The following PCA3 variants were observed in gnomAD, a reference collection of about 807,000 sequenced individuals.
PCA3 encodes Differential Display code 3.
At chr9:76,787,080 T>C (rs1005594983) in intron 2 of PCA3, 1 of 152,234 alleles carries the variant, frequency 6.6e-6, no homozygotes, top group African/African-American at 2.4e-5. Context: ...CATTTGAGAA[T>C]TCCAATTAGG....
At chr9:76,767,256 G>T (rs1026970617) in intron 2 of PCA3, among the ~76,000 whole-genome samples, 1 of 151,930 alleles carries the variant, frequency 6.6e-6, no homozygotes, top group Non-Finnish European at 1.5e-5. Context: ...GTTCAAGACC[G>T]GCCTGACCAA....
chr9:76,770,466 T>C (rs996032381), intron 2 of PCA3, among the ~76,000 whole-genome samples: 3 of 152,166 alleles, frequency 2.0e-5, no homozygotes, highest in African/African-American at 7.2e-5. Context: ...AATATATGAT[T>C]CAAAAATTGA....
At chr9:76,782,931 T>C (rs1160282133) in intron 2 of PCA3, 1 of 152,228 alleles carries the variant, frequency 6.6e-6, no homozygotes, top group Non-Finnish European at 1.5e-5. Context: ...TCTGCAAATG[T>C]CCTGGGTCTT....
chr9:76,780,568 G>A (rs2054272645), intron 2 of PCA3, among the ~76,000 whole-genome samples: 1 of 152,106 alleles, frequency 6.6e-6, no homozygotes, highest in Non-Finnish European at 1.5e-5. Context: ...GCGGGTGCCT[G>A]TAGTCCCAGC....
At position 76,783,129 on chromosome 9, in the gene PCA3, G is replaced by A. The variant is rs114409241; in HGVS notation, n.853-25454G>A. Among the ~76,000 whole-genome samples the A allele has an allele frequency of 5.0e-3, 761 of 152,096 alleles. 4 individuals carry two copies. The highest frequency in any genetic ancestry group is 0.017 in the African/African-American group (723 of 41,498). ...ATTAACATCAGTTGTATCTGACTAT[G>A]CCTTTTTTTGTTTGTTTGTTTTTTG... On this transcript the variant is annotated intron_variant and non_coding_transcript_variant, in intron 2 of 5. Coordinates refer to ENST00000644657, the Ensembl canonical transcript of PCA3.
At chr9:76,779,246 TG>T (rs1430033010) in intron 2 of PCA3, among the ~76,000 whole-genome samples, 5 of 151,250 alleles carry the variant, frequency 3.3e-5, no homozygotes, top group African/African-American at 4.9e-5. Flanking sequence ...TTTTTTTTTT[TG>T]GAAGTATCTG....
At chr9:76,774,441 A>G (rs1175548067) in intron 2 of PCA3, among the ~76,000 whole-genome samples, 1 of 132,446 alleles carries the variant, frequency 7.6e-6, no homozygotes, top group Admixed American at 7.8e-5. Context: ...CCTGGCCTCC[A>G]GTTCAACCCT....
chr9:76,781,267 C>T (rs894389327), intron 2 of PCA3, among the ~76,000 whole-genome samples: 3 of 152,126 alleles, frequency 2.0e-5, no homozygotes, highest in Non-Finnish European at 4.4e-5. Context: ...TTCCCTTGAA[C>T]TTAAAATAAA....
At chr9:76,768,611 GTGTGTGTGTGTGTA>G (rs1341923940) in intron 2 of PCA3, among the ~76,000 whole-genome samples, 4 of 150,478 alleles carry the variant, frequency 2.7e-5, no homozygotes, top group Admixed American at 6.6e-5. Flanking sequence ...GTGTGTGTGT[GTGTGTGTGTGTGTA>G]TATCCCTGCT....
At chr9:76,773,288 A>C (rs1589140987) in intron 2 of PCA3, among the ~76,000 whole-genome samples, 1 of 152,214 alleles carries the variant, frequency 6.6e-6, no homozygotes, top group East Asian at 1.9e-4. Context: ...TCATTGAAGA[A>C]ATAGAAATTT....
rs28688470 is a variant in PCA3 at position 76,776,893 on chromosome 9, T to C, written n.853-31690T>C. Reference sequence around the variant, plus strand: ...GTTTCTTTCTCATTACCAAAACACATACACACACACACACACACACACACA... The same window carrying C: ...GTTTCTTTCTCATTACCAAAACACACACACACACACACACACACACACACA... On this transcript the variant is annotated intron_variant and non_coding_transcript_variant, in intron 2 of 5. Coordinates refer to ENST00000644657, the Ensembl canonical transcript of PCA3. 6.8e-3 allele frequency among the ~76,000 whole-genome samples: 783 copies of C among 115,594 alleles called. 13 individuals carry two copies. The highest frequency in any genetic ancestry group is 0.018 in the African/African-American group (519 of 28,722). The allele number at this position is 115,594 out of a possible 152,430, so 75.8% of individuals were successfully genotyped here.
intron 2 of PCA3, among the ~76,000 whole-genome samples, chr9:76,767,541 C>T (rs1036588791): frequency 6.6e-6 from 1 of 152,138 alleles, no homozygotes; most frequent in Non-Finnish European, 1.5e-5. Context: ...TTGATCACCT[C>T]TTTAAAAAGA....
intron 2 of PCA3, among the ~76,000 whole-genome samples, chr9:76,764,800 T>C (rs964187925): frequency 3.4e-4 from 51 of 152,182 alleles, no homozygotes; most frequent in Non-Finnish European, 6.9e-4. Context: ...ACAAGCTATT[T>C]GCTTGGCTTC....
At chr9:76,768,596 T>G (rs1325742567) in intron 2 of PCA3, among the ~76,000 whole-genome samples, 1 of 144,234 alleles carries the variant, frequency 6.9e-6, no homozygotes, top group African/African-American at 2.7e-5. Context: ...TGTGTGTGTG[T>G]GTGTGTGTGT....
At chr9:76,787,389 G>C (rs887082119) in intron 2 of PCA3, 2 of 151,772 alleles carry the variant, frequency 1.3e-5, no homozygotes, top group African/African-American at 4.8e-5. Flanking sequence ...AGTGATTCGG[G>C]GGGTGGGAGA....
intron 2 of PCA3, among the ~76,000 whole-genome samples, chr9:76,768,103 C>T (rs557629638): frequency 1.3e-5 from 2 of 152,320 alleles, no homozygotes; most frequent in South Asian, 4.1e-4. Flanking sequence ...CCCAGCACGG[C>T]TGCCTGGTGA....
chr9:76,773,301 G>A (rs2053315344), intron 2 of PCA3, among the ~76,000 whole-genome samples: 1 of 152,104 alleles, frequency 6.6e-6, no homozygotes, highest in African/African-American at 2.4e-5. Context: ...AGAAATTTCT[G>A]TAAACCCTGG....
At chr9:76,781,959 A>T (rs1425751733) in intron 2 of PCA3, among the ~76,000 whole-genome samples, 1 of 152,122 alleles carries the variant, frequency 6.6e-6, no homozygotes, top group Non-Finnish European at 1.5e-5. Flanking sequence ...TCACGCCTGT[A>T]ATCCCAGCAC....
chr9:76,781,924 G>A (rs1011634541), intron 2 of PCA3, among the ~76,000 whole-genome samples: 5 of 152,112 alleles, frequency 3.3e-5, no homozygotes, highest in African/African-American at 1.2e-4. Flanking sequence ...GAAAGCATTG[G>A]GAAAGCCTGG....
Sources: gnomAD v4.1 joint callset for allele counts (sites outside exome capture counted in the v4.1 genomes callset) on GRCh38, gnomAD v4.1.1 for gene constraint, MANE v1.5 for transcripts, NCBI Gene and HGNC (gene_info 2026-07-23, HGNC 2026-07-21) for gene names.